ANGPTL4: variants seen among roughly 807,000 people sequenced by gnomAD.
ANGPTL4 encodes angiopoietin-related protein 4.
Under a neutral mutation model 39.2 loss-of-function variants are expected in ANGPTL4, and 39 were observed. The observed-to-expected ratio is 1.00, with a 90% CI of 0.77 to 1.30. ANGPTL4 has a LOEUF of 1.30. Ranked by LOEUF, ANGPTL4 falls within the 50% of genes most tolerant of loss-of-function variation. The probability of loss-of-function intolerance (pLI) is 0.00; values close to 1 mark genes in which losing one functional copy is unlikely to be tolerated. For synonymous variants in ANGPTL4, 233 were observed against 229.5 expected, an observed-to-expected ratio of 1.02 and a Z score of -0.14; for missense variants, 545 against 549.8, an observed-to-expected ratio of 0.99 and a Z score of 0.09.
intron 6 of ANGPTL4, 104 bp from the exon 7 acceptor site, chr19:8,373,601 C>T: frequency 6.5e-7 from 1 of 1,533,996 alleles, no homozygotes. Context: ...CAAAGCCCAG[C>T]CTGGTCCCCA....
chr19:8,366,303 T>C lies in ANGPTL4; in HGVS notation c.531T>C (p.Asn177=). 6.2e-7 allele frequency: 1 copy of C among 1,613,642 alleles called. No homozygotes were observed. Among genetic ancestry groups the C allele is most frequent in the Non-Finnish European group, 8.5e-7 (1 of 1,179,946 alleles). The change falls in exon 3 of 7, where the codon AAT becomes AAC. Residue 177 remains asparagine (N), a synonymous_variant. Transcript: ENST00000301455. Reference sequence around the variant, plus strand: ...CCCAGCCAGTTGACCCGGCTCACAATGTCAGCCGCCTGCACCGTGAGTGTC... The same window carrying C: ...CCCAGCCAGTTGACCCGGCTCACAACGTCAGCCGCCTGCACCGTGAGTGTC... ...EMAQPVDPAH[N]VSRLHRLPRD...
At chr19:8,368,650 A>G (rs538717548) in intron 3 of ANGPTL4, among the ~76,000 whole-genome samples, 135 of 152,236 alleles carry the variant, frequency 8.9e-4, no homozygotes, top group African/African-American at 3.0e-3. Context: ...CGAGGTCAGG[A>G]GATCGAGACC....
Position 8,364,485 on chromosome 19 carries a change from TGCGCGAACACGCGGA to T in ANGPTL4, c.169_183del (p.Glu57_Arg61del). ...GGACTCCTGCAGCTCGGCCAGGGGC[TGCGCGAACACGCGGA>T]GCGCACCCGCAGTCAGCTGAGCGCG... On this transcript the variant is annotated inframe_deletion, in exon 1 of 7. Coordinates refer to ENST00000301455, the MANE Select transcript of ANGPTL4 (RefSeq NM_139314.3). The T allele has an allele frequency of 6.4e-7, 1 of 1,565,410 alleles. No homozygotes were observed. Among genetic ancestry groups the T allele is most frequent in the Non-Finnish European group, 8.6e-7 (1 of 1,156,356 alleles).
chr19:8,368,036 T>TTTTTTTTTG (rs71175845), intron 3 of ANGPTL4, among the ~76,000 whole-genome samples: 1 of 150,992 alleles, frequency 6.6e-6, no homozygotes, highest in African/African-American at 2.4e-5. Flanking sequence ...TTTTTTTTTT[T>TTTTTTTTTG]GAGACAGAGT....
intron 4 of ANGPTL4, among the ~76,000 whole-genome samples, chr19:8,370,700 T>TA (rs33922743): frequency 0.054 from 5,358 of 99,082 alleles, 160 homozygotes; most frequent in African/African-American, 0.08. Flanking sequence ...ACTCCATCTC[T>TA]AAAAAAAAAA....
chr19:8,364,706 G>A (rs1970965059), intron 1 of ANGPTL4, 67 bp downstream of exon 1: 1 of 1,535,322 alleles, frequency 6.5e-7, no homozygotes, highest in African/African-American at 1.4e-5. Flanking sequence ...GGTATGGACA[G>A]GAGTGGGGCG....
chr19:8,364,404 T>C lies in ANGPTL4; in HGVS notation c.83T>C (p.Val28Ala). Reference sequence around the variant, plus strand: ...CTACTGAGCGCTCAGGGCGGACCCGTGCAGTCCAAGTCGCCGCGCTTTGCG... The same window carrying C: ...CTACTGAGCGCTCAGGGCGGACCCGCGCAGTCCAAGTCGCCGCGCTTTGCG... ...AVLLSAQGGP[V>A]QSKSPRFASW... Residue 28 changes from valine to alanine, a missense_variant, in exon 1 of 7, where the codon GTG (valine) becomes GCG (alanine). Physicochemically the swap from Val to Ala is moderately conservative, Grantham distance 64. Coordinates refer to ENST00000301455, the MANE Select transcript of ANGPTL4 (RefSeq NM_139314.3). The C allele has an allele frequency of 1.3e-6, 2 of 1,547,424 alleles. No homozygotes were observed. The highest frequency in any genetic ancestry group is 1.2e-5 in the South Asian group (1 of 84,394).
intron 4 of ANGPTL4, among the ~76,000 whole-genome samples, chr19:8,370,823 C>T (rs1042605107): frequency 6.6e-6 from 1 of 152,032 alleles, no homozygotes; most frequent in Non-Finnish European, 1.5e-5. Flanking sequence ...CAGATTTCCA[C>T]TGCCTACTCC....
chr19:8,365,908 G>T, intron 1 of ANGPTL4, 46 bp from the exon 2 acceptor site: 1 of 1,422,732 alleles, frequency 7.0e-7, no homozygotes, highest in South Asian at 1.2e-5. Context: ...TTAAGAGGTT[G>T]GGGTAGGCAA....
intron 4 of ANGPTL4, among the ~76,000 whole-genome samples, chr19:8,370,583 C>G (rs770642532): frequency 3.3e-5 from 5 of 151,738 alleles, no homozygotes; most frequent in Non-Finnish European, 7.4e-5. Context: ...GCCTGTGATT[C>G]CAGCTGCTTG....
chr19:8,369,369 A>T, intron 4 of ANGPTL4, 37 bp downstream of exon 4: 1 of 1,465,994 alleles, frequency 6.8e-7, no homozygotes, highest in South Asian at 1.2e-5. Flanking sequence ...CCCTCTCCCC[A>T]TAGGCCCTGT....
intron 3 of ANGPTL4, among the ~76,000 whole-genome samples, chr19:8,367,055 C>T (rs1309266601): frequency 6.6e-6 from 1 of 152,098 alleles, no homozygotes; most frequent in African/African-American, 2.4e-5. Context: ...GGTCCTCATC[C>T]TTCCCTGCAT....
rs538554190 is a variant in ANGPTL4, at chr19:8,364,522, C to G, written c.201C>G (p.Ser67Arg). Reference protein sequence around the residue: ...EHAERTRSQLSALERRLSACG... With the variant: ...EHAERTRSQLRALERRLSACG... ...CGGAGCGCACCCGCAGTCAGCTGAG[C>G]GCGCTGGAGCGGCGCCTGAGCGCGT... The change falls in exon 1 of 7, where the codon AGC (serine) becomes AGG (arginine). Residue 67 changes from serine (S) to arginine (R), a missense_variant. Physicochemically the swap from Ser to Arg is moderately radical, Grantham distance 110. Coordinates refer to ENST00000301455, the MANE Select transcript of ANGPTL4 (RefSeq NM_139314.3). 550 of 1,566,318 alleles carry G rather than the reference C, an allele frequency of 3.5e-4. 6 individuals are homozygous for G. The South Asian group carries it at 6.1e-3, about 17-fold the overall frequency.
rs899609905 is a variant in ANGPTL4, at chr19:8,372,206, G to A, written c.1039+684G>A. 5.3e-5 allele frequency among the ~76,000 whole-genome samples: 8 copies of A among 151,430 alleles called. No individual in the cohort carries two copies. In the East Asian group the frequency reaches 1.4e-3, roughly 26 times the overall value. On this transcript the variant is annotated intron_variant, in intron 6 of 6. Coordinates refer to ENST00000301455, the MANE Select transcript of ANGPTL4 (RefSeq NM_139314.3). ...TGAGTAGCTGGGATTACAGGTTCCCGCCACCATGCACAGATAATTGTTTTG... is the reference window on the plus strand; with the variant it reads ...TGAGTAGCTGGGATTACAGGTTCCCACCACCATGCACAGATAATTGTTTTG...
In ANGPTL4 at chr19:8,364,167, G is replaced by A. The variant is rs1970943938; in HGVS notation, c.-155G>A. On this transcript the variant is annotated 5_prime_UTR_variant, in exon 1 of 7. Transcript: ENST00000301455. The stretch of plus-strand genomic sequence containing the variant: ...GGGCGCGGCGGGGAGAAGCCGAGCT[G>A]AGCGGATCCTCACACGACTGTGATC... 1.2e-6 allele frequency: 1 copy of A among 814,592 alleles called. No homozygotes were observed. The allele number at this position is 814,592 out of a possible 1,614,324, so 50.5% of individuals were successfully genotyped here. A position where few individuals can be genotyped will look rare whatever the true frequency, so the allele number is the denominator to read the frequency against.
At chr19:8,369,196 G>C (rs2145478408) in intron 3 of ANGPTL4, 23 bp from the exon 4 acceptor site, 1 of 1,597,052 alleles carries the variant, frequency 6.3e-7, no homozygotes, top group South Asian at 1.1e-5. Context: ...CCTGTTTCAA[G>C]TCTCCACTTT....
Position 8,364,633 on chromosome 19 carries a change from C to T in ANGPTL4, c.312C>T (p.Ser104=), listed in dbSNP as rs759967878. 6.3e-6 allele frequency: 10 copies of T among 1,588,756 alleles called. No individual in the cohort carries two copies. Among genetic ancestry groups the T allele is most frequent in the Non-Finnish European group, 8.6e-6 (10 of 1,168,534 alleles). ...GGGTGGACCCTGAGGTCCTTCACAGCCTGCAGGTACGTGTCCCCAGGGCTG... is the reference window on the plus strand; with the variant it reads ...GGGTGGACCCTGAGGTCCTTCACAGTCTGCAGGTACGTGTCCCCAGGGCTG... The part of the protein sequence containing the change: ...ESRVDPEVLH[S]LQTQLKAQNS... The change falls in exon 1 of 7, where the codon AGC becomes AGT. Residue 104 remains serine, a synonymous_variant. Transcript: ENST00000301455.
chr19:8,364,496 G>A lies in ANGPTL4; in HGVS notation c.175G>A (p.Ala59Thr). 6.4e-7 allele frequency: 1 copy of A among 1,564,574 alleles called. No homozygotes were observed. Among genetic ancestry groups the A allele is most frequent in the Non-Finnish European group, 8.7e-7 (1 of 1,155,826 alleles). Residue 59 changes from alanine (A) to threonine (T), a missense_variant, in exon 1 of 7, where the codon GCG (alanine) becomes ACG (threonine). Ala to Thr is a moderately conservative substitution (Grantham distance 58). Transcript: ENST00000301455. ...GCTCGGCCAGGGGCTGCGCGAACAC[G>A]CGGAGCGCACCCGCAGTCAGCTGAG... is the stretch of plus-strand genomic sequence containing the variant. ...LQLGQGLREHAERTRSQLSAL... is the reference protein window; with the variant it reads ...LQLGQGLREHTERTRSQLSAL...
chr19:8,365,297 G>C (rs905254628), intron 1 of ANGPTL4, among the ~76,000 whole-genome samples: 2 of 151,774 alleles, frequency 1.3e-5, no homozygotes, highest in Non-Finnish European at 2.9e-5. Flanking sequence ...GACCAACACA[G>C]TGAAACCCCG....
Sources: allele counts gnomAD v4.1 joint callset (sites outside exome capture counted in the v4.1 genomes callset), GRCh38; gene constraint gnomAD v4.1.1; transcripts MANE v1.5; gene names NCBI Gene and HGNC (gene_info 2026-07-23, HGNC 2026-07-21).